PDE4B: variants seen among roughly 807,000 people sequenced by gnomAD.
The protein encoded by PDE4B is 3',5'-cyclic-AMP phosphodiesterase 4B.
In PDE4B, 20 loss-of-function variants were observed where a neutral mutation model predicts 82.2. That is an observed-to-expected ratio of 0.24 (90% CI 0.17 to 0.35). The LOEUF is 0.35. PDE4B is among the 10% of genes least tolerant of loss of function. PDE4B has a pLI of 1.00. For missense variants in PDE4B, 655 were observed against 907.2 expected (o/e 0.72, Z 3.57); for synonymous variants, 320 against 318.9 (o/e 1.00, Z -0.04).
chr1:66,369,000 T>TGATTATA, intron 16 of PDE4B, 31 bp downstream of exon 16: 1 of 1,528,108 alleles, frequency 6.5e-7, no homozygotes, highest in Non-Finnish European at 8.9e-7. Flanking sequence ...AAAGTTTTTG[T>TGATTATA]GAGCTCTGCT....
At chr1:66,306,126 T>C (rs1370425535) in intron 7 of PDE4B, among the ~76,000 whole-genome samples, 4 of 152,090 alleles carry the variant, frequency 2.6e-5, no homozygotes, top group Non-Finnish European at 5.9e-5. Flanking sequence ...AGAACTTGTA[T>C]TGGTAATAAG....
intron 4 of PDE4B, among the ~76,000 whole-genome samples, chr1:66,253,548 C>T (rs1259568941): frequency 6.6e-6 from 1 of 152,216 alleles, no homozygotes; most frequent in African/African-American, 2.4e-5. Context: ...TCTGGACTTG[C>T]TCCTGAGAGG....
chr1:65,976,644 G>A (rs1650423228), intron 3 of PDE4B, among the ~76,000 whole-genome samples: 1 of 152,048 alleles, frequency 6.6e-6, no homozygotes, highest in African/African-American at 2.4e-5. Flanking sequence ...AGATTATGGG[G>A]GCAGATTTCC....
intron 3 of PDE4B, among the ~76,000 whole-genome samples, chr1:65,934,862 A>G (rs1310333555): frequency 6.6e-6 from 1 of 152,196 alleles, no homozygotes; most frequent in African/African-American, 2.4e-5. Flanking sequence ...ATCTAAATAT[A>G]TAAAGCAAAA....
chr1:66,036,811 G>A (rs1277952138), intron 3 of PDE4B, among the ~76,000 whole-genome samples: 3 of 152,108 alleles, frequency 2.0e-5, no homozygotes, highest in African/African-American at 7.2e-5. Flanking sequence ...GCTATTTGGA[G>A]TCTTTTATGA....
At chr1:66,113,270 T>A (rs1645525698) in intron 3 of PDE4B, among the ~76,000 whole-genome samples, 1 of 152,240 alleles carries the variant, frequency 6.6e-6, no homozygotes, top group Admixed American at 6.5e-5. Context: ...TTTACAATTA[T>A]AATTGTCACC....
At chr1:65,965,283 G>A (rs190572325) in intron 3 of PDE4B, among the ~76,000 whole-genome samples, 269 of 152,082 alleles carry the variant, frequency 1.8e-3, no homozygotes, top group Middle Eastern at 0.01. Context: ...AGCTTTTACT[G>A]TACGATTAAT....
intron 3 of PDE4B, among the ~76,000 whole-genome samples, chr1:65,965,315 C>G (rs1235803273): frequency 6.6e-6 from 1 of 152,092 alleles, no homozygotes; most frequent in African/African-American, 2.4e-5. Flanking sequence ...TTTGCATAGT[C>G]TGTGGTTACA....
chr1:66,267,273 G>T (rs1655119610), intron 7 of PDE4B: 1 of 152,230 alleles, frequency 6.6e-6, no homozygotes, highest in Non-Finnish European at 1.5e-5. Context: ...AACCTGGTGT[G>T]CTGCATGTAC....
chr1:66,372,397 A>T lies in PDE4B; in HGVS notation c.1930A>T (p.Thr644Ser), dbSNP rs779182342. The T allele has an allele frequency of 6.8e-6, 11 of 1,614,012 alleles. No individual in the cohort carries two copies. The East Asian group carries it at 2.4e-4, about 36-fold the overall frequency. Reference sequence around the variant, plus strand: ...GCCTGATGCTCAGGACATTCTCGATACCTTAGAAGATAACAGGAACTGGTA... The same window carrying T: ...GCCTGATGCTCAGGACATTCTCGATTCCTTAGAAGATAACAGGAACTGGTA... Reference protein sequence around the residue: ...VQPDAQDILDTLEDNRNWYQS... With the variant: ...VQPDAQDILDSLEDNRNWYQS... Residue 644 changes from threonine (T) to serine (S), a missense_variant, in exon 17 of 17, where the codon ACC becomes TCC. By Grantham distance (58) the Thr-to-Ser change is moderately conservative. Transcript: ENST00000341517.
intron 1 of PDE4B, among the ~76,000 whole-genome samples, chr1:65,882,035 A>G (rs1232237717): frequency 6.6e-6 from 1 of 152,158 alleles, no homozygotes; most frequent in Non-Finnish European, 1.5e-5. Context: ...AAAGACCACC[A>G]CTCAATATCT....
chr1:65,982,320 C>G (rs1464554547), intron 3 of PDE4B, among the ~76,000 whole-genome samples: 1 of 152,082 alleles, frequency 6.6e-6, no homozygotes, highest in Admixed American at 6.6e-5. Flanking sequence ...AGCAAAGGGT[C>G]GCAAACACAT....
intron 3 of PDE4B, among the ~76,000 whole-genome samples, chr1:66,121,009 A>C (rs145013713): frequency 6.6e-6 from 1 of 152,284 alleles, no homozygotes; most frequent in East Asian, 1.9e-4. Flanking sequence ...TACATTGTGG[A>C]CACTAAACAG....
At chr1:66,342,561 A>G (rs1255468686) in intron 8 of PDE4B, among the ~76,000 whole-genome samples, 2 of 150,280 alleles carry the variant, frequency 1.3e-5, no homozygotes, top group Admixed American at 6.6e-5. Flanking sequence ...AAAAAAAAAA[A>G]AAAGAAAAAA....
intron 3 of PDE4B, among the ~76,000 whole-genome samples, chr1:66,207,933 AT>A (rs1230177990): frequency 9.2e-5 from 14 of 152,104 alleles, no homozygotes. Flanking sequence ...CTTATATTTT[AT>A]TTTGCCAATT....
chr1:66,272,686 T>C (rs1227822400), intron 7 of PDE4B, among the ~76,000 whole-genome samples: 1 of 151,976 alleles, frequency 6.6e-6, no homozygotes, highest in Admixed American at 6.6e-5. Context: ...TCCATCATCC[T>C]GTACCTAAAG....
chr1:66,261,249 A>G (rs1163227126), intron 6 of PDE4B, among the ~76,000 whole-genome samples: 6 of 152,182 alleles, frequency 3.9e-5, no homozygotes, highest in African/African-American at 1.2e-4. Flanking sequence ...TTATTTCTAG[A>G]TAGTGAATAC....
chr1:65,821,854 G>A (rs182592938), intron 1 of PDE4B, among the ~76,000 whole-genome samples: 3 of 152,236 alleles, frequency 2.0e-5, no homozygotes, highest in Admixed American at 2.0e-4. Context: ...TCCATCTTTT[G>A]TATTGTGAAA....
chr1:65,904,982 T>C (rs1647013623), intron 1 of PDE4B, among the ~76,000 whole-genome samples: 1 of 152,156 alleles, frequency 6.6e-6, no homozygotes, highest in African/African-American at 2.4e-5. Flanking sequence ...TCTGATTCTA[T>C]TTCCTGCCCC....
Sources: allele counts gnomAD v4.1 joint callset (sites outside exome capture counted in the v4.1 genomes callset), GRCh38; gene constraint gnomAD v4.1.1; transcripts MANE v1.5; gene names NCBI Gene and HGNC (gene_info 2026-07-23, HGNC 2026-07-21).